IL5RA: variants seen among roughly 807,000 people sequenced by gnomAD.
The protein encoded by IL5RA is interleukin 5 receptor subunit alpha, also known as interleukin-5 receptor subunit alpha.
In IL5RA, 49 loss-of-function variants were observed where a neutral mutation model predicts 50.0. That is an observed-to-expected ratio of 0.98 (90% confidence interval 0.78 to 1.24). The LOEUF (loss-of-function observed/expected upper bound fraction) is 1.24, where lower values mean the gene tolerates loss of function less well. Ranked by LOEUF, IL5RA falls within the 50% of genes most tolerant of loss-of-function variation. The pLI is 0.00. For synonymous variants in IL5RA, 202 were observed against 174.0 expected (o/e 1.16, Z -1.26); for missense variants, 600 against 500.4 (o/e 1.20, Z -1.90).
intron 2 of IL5RA, among the ~76,000 whole-genome samples, chr3:3,107,771 A>G: frequency 6.6e-6 from 1 of 152,148 alleles, no homozygotes; most frequent in Non-Finnish European, 1.5e-5. Context: ...TAGGTGTTAC[A>G]TTTTTTGAAA....
intron 9 of IL5RA, among the ~76,000 whole-genome samples, chr3:3,089,133 CA>C (rs370019721): frequency 1.1e-4 from 17 of 152,214 alleles, no homozygotes; most frequent in African/African-American, 3.9e-4. Flanking sequence ...AATTATGAAG[CA>C]GGTGAGTTTA....
Position 3,074,689 on chromosome 3 carries a change from C to A in IL5RA, c.1176+93G>T, listed in dbSNP as rs980920194. The stretch of plus-strand genomic sequence containing the variant: ...CCTGGCCTTCTGAGTAAAAACCCTG[C>A]CTTATAATATAGAAAACTAAGAACC... On this transcript the variant is annotated intron_variant, in intron 11 of 11. Coordinates refer to ENST00000446632, the MANE Select transcript of IL5RA (RefSeq NM_175726.4). The A allele has an allele frequency of 1.2e-5, 8 of 690,458 alleles. No individual in the cohort carries two copies. The African/African-American group carries it at 1.5e-4, about 13-fold the overall frequency. 42.8% of individuals were successfully genotyped at this position (690,458 alleles called of 1,614,324 possible).
At chr3:3,077,377 G>A (rs760369106) in intron 9 of IL5RA, among the ~76,000 whole-genome samples, 9 of 152,246 alleles carry the variant, frequency 5.9e-5, no homozygotes, top group African/African-American at 9.6e-5. Context: ...ATGTATAAAC[G>A]TGCCGTGTTG....
In IL5RA at chr3:3,110,075, C is replaced by T. The variant is rs2290608; in HGVS notation, c.-276G>A. The T allele has an allele frequency of 0.21, 31,850 of 152,152 alleles. 3,723 individuals are homozygous for T. The highest frequency in any genetic ancestry group is 0.28 in the Middle Eastern group (81 of 290). 9.4% of individuals were successfully genotyped at this position (152,152 alleles called of 1,614,324 possible). ...TCATCACGGCTGTAATGGTTAAAAA[C>T]TCTCAGGCAGCTTCCTTCATGATGG... On this transcript the variant is annotated 5_prime_UTR_variant, in exon 1 of 12. Transcript: ENST00000446632.
Position 3,092,875 on chromosome 3 carries a change from C to A in IL5RA, c.856-513G>T, listed in dbSNP as rs1003050276. On this transcript the variant is annotated intron_variant, in intron 8 of 11. Coordinates refer to ENST00000446632, the MANE Select transcript of IL5RA (RefSeq NM_175726.4). This position sits in a 1 kb window ranked among gnomAD's most constrained non-coding sequence, Gnocchi z 4.2. ...CTCCTGACACCTGTATCTTGAATAC[C>A]CCCGGAGGTGTTTCTCCCTTTTTTA... Among the ~76,000 whole-genome samples the A allele has an allele frequency of 1.3e-5, 2 of 152,074 alleles. No homozygotes were observed. Among genetic ancestry groups the A allele is most frequent in the Admixed American group, 6.6e-5 (1 of 15,254 alleles).
intron 9 of IL5RA, among the ~76,000 whole-genome samples, chr3:3,087,258 A>G (rs1210974866): frequency 1.3e-5 from 2 of 152,172 alleles, no homozygotes; most frequent in African/African-American, 2.4e-5. Context: ...CATGCTCTGG[A>G]AATTCTAGGA....
intron 8 of IL5RA, among the ~76,000 whole-genome samples, chr3:3,094,932 G>C (rs1252014620): frequency 6.6e-6 from 1 of 152,054 alleles, no homozygotes; most frequent in Admixed American, 6.6e-5. Flanking sequence ...TCACCATGTT[G>C]GCCAGGCTGG....
intron 11 of IL5RA, chr3:3,073,863 T>G (rs969110565): frequency 1.6e-5 from 7 of 433,608 alleles, no homozygotes; most frequent in Non-Finnish European, 3.2e-5. Context: ...AAAATCACTT[T>G]TGGAGGCCTT....
At chr3:3,099,884 G>A (rs1703561225) in intron 5 of IL5RA, among the ~76,000 whole-genome samples, 1 of 152,000 alleles carries the variant, frequency 6.6e-6, no homozygotes. Context: ...TGGCCAGGCT[G>A]GTCTCGAACA....
chr3:3,105,459 A>AAAT (rs1553754022), intron 2 of IL5RA: 2 of 151,964 alleles, frequency 1.3e-5, no homozygotes, highest in Non-Finnish European at 2.9e-5. Flanking sequence ...CAAAAGAAAT[A>AAAT]AACATTACCT....
chr3:3,077,862 G>A (rs942467636), intron 9 of IL5RA, among the ~76,000 whole-genome samples: 1 of 152,200 alleles, frequency 6.6e-6, no homozygotes, highest in South Asian at 2.1e-4. Flanking sequence ...CTGCCGGATT[G>A]AATAATGTAA....
At chr3:3,087,948 T>G (rs3804797) in intron 9 of IL5RA, among the ~76,000 whole-genome samples, 1 of 152,016 alleles carries the variant, frequency 6.6e-6, no homozygotes, top group East Asian at 1.9e-4. Flanking sequence ...GATCCTAAAC[T>G]GAGCAGAGGA....
intron 8 of IL5RA, among the ~76,000 whole-genome samples, chr3:3,093,466 A>G (rs1173926527): frequency 6.6e-6 from 1 of 152,212 alleles, no homozygotes; most frequent in African/African-American, 2.4e-5. Flanking sequence ...CTTTGGCTAT[A>G]TTTAATTTTT....
intron 9 of IL5RA, chr3:3,089,994 G>C: frequency 2.0e-6 from 1 of 508,480 alleles, no homozygotes; most frequent in South Asian, 2.3e-5. Context: ...AGAGTGTCCA[G>C]AGATCAAGTG....
intron 5 of IL5RA, among the ~76,000 whole-genome samples, chr3:3,100,874 C>A (rs578208076): frequency 6.6e-6 from 1 of 151,972 alleles, no homozygotes; most frequent in African/African-American, 2.4e-5. Context: ...GGGCCGGACA[C>A]GGTGGCTCAT....
At chr3:3,099,675 T>TATTA (rs1267887969) in intron 5 of IL5RA, among the ~76,000 whole-genome samples, 3 of 149,258 alleles carry the variant, frequency 2.0e-5, no homozygotes, top group African/African-American at 7.4e-5. Flanking sequence ...TTATTATTAT[T>TATTA]ATTATTATTA....
In IL5RA at chr3:3,097,940, C is replaced by A. The variant is rs770151075; in HGVS notation, c.639G>T (p.Val213=). The stretch of plus-strand genomic sequence containing the variant: ...AGTGCTTGCTGGAGCCGTTAACAAG[C>A]ACCGCAAGCCAGTCACGCCCTTTGC... The part of the protein sequence containing the change: ...ILSKGRDWLA[V]LVNGSSKHSA... The change falls in exon 7 of 12, where the codon GTG becomes GTT. Residue 213 remains valine (V), a synonymous_variant. Transcript: ENST00000446632. 1.2e-5 allele frequency: 20 copies of A among 1,614,098 alleles called. No homozygotes were observed. In the East Asian group the frequency reaches 4.5e-4, roughly 36 times the overall value.
At chr3:3,099,326 C>A (rs534930391) in intron 5 of IL5RA, among the ~76,000 whole-genome samples, 2 of 152,036 alleles carry the variant, frequency 1.3e-5, no homozygotes, top group Non-Finnish European at 2.9e-5. Flanking sequence ...GGTGAAACCT[C>A]GTCTTTGCAA....
At position 3,098,199 on chromosome 3, in the gene IL5RA, A is replaced by G; in HGVS notation, c.459T>C (p.Leu153=). The G allele has an allele frequency of 6.2e-7, 1 of 1,614,168 alleles. No individual in the cohort carries two copies. The highest frequency in any genetic ancestry group is 8.5e-7 in the Non-Finnish European group (1 of 1,180,010). The change falls in exon 6 of 12, where the codon CTT becomes CTC. Residue 153 remains leucine, a synonymous_variant. Transcript: ENST00000446632. The part of the protein sequence containing the change: ...YSRLRSYQVS[L]HCTWLVGTDA... Reference sequence around the variant, plus strand: ...CTGTGCCAACAAGCCAGGTGCAGTGAAGGGAAACTTGGTATGACCTTAAAC... The same window carrying G: ...CTGTGCCAACAAGCCAGGTGCAGTGGAGGGAAACTTGGTATGACCTTAAAC...
Sources: allele counts gnomAD v4.1 joint callset (sites outside exome capture counted in the v4.1 genomes callset), GRCh38; gene constraint gnomAD v4.1.1; non-coding constraint Gnocchi (gnomAD v3.1); transcripts MANE v1.5; gene names NCBI Gene and HGNC (gene_info 2026-07-23, HGNC 2026-07-21).